OSBPL9: variants seen among roughly 807,000 people sequenced by gnomAD.
The protein encoded by OSBPL9 is oxysterol binding protein like 9.
In OSBPL9, 40 loss-of-function variants were observed where a neutral mutation model predicts 106.6. The ratio of observed to expected loss-of-function variants is 0.38; its 90% CI spans 0.29 to 0.49. The LOEUF is 0.49. Ranked by LOEUF, OSBPL9 falls within the 20% of genes least tolerant of loss-of-function variation. The pLI, the probability that OSBPL9 is intolerant of heterozygous loss-of-function variation, is 0.97. For synonymous variants in OSBPL9, 269 were observed against 295.4 expected (o/e 0.91, Z 0.92); for missense variants, 609 against 887.2 (o/e 0.69, Z 3.98).
intron 7 of OSBPL9, among the ~76,000 whole-genome samples, 194 bp downstream of exon 7, chr1:51,748,592 G>A (rs1571513904): frequency 3.3e-5 from 5 of 152,002 alleles, no homozygotes; most frequent in African/African-American, 7.2e-5. Flanking sequence ...CCCCTTAATC[G>A]AAATTGACTT....
the OSBPL9 span, among the ~76,000 whole-genome samples, chr1:51,533,633 A>C: frequency 1.3e-5 from 2 of 152,100 alleles, no homozygotes; most frequent in Non-Finnish European, 2.9e-5. Context: ...ATTTGAATCG[A>C]GCCTCAAAAT....
At chr1:51,576,128 C>T (rs1480321555), upstream of OSBPL9, among the ~76,000 whole-genome samples, 1 of 152,212 alleles carries the variant, frequency 6.6e-6, no homozygotes, top group Admixed American at 6.5e-5. Context: ...TCCTGTTAAT[C>T]TGTCTGATGT....
At chr1:51,777,042 A>G (rs1023354801) in intron 15 of OSBPL9, 124 bp downstream of exon 15, 19 of 781,246 alleles carry the variant, frequency 2.4e-5, no homozygotes, top group African/African-American at 3.5e-5. Context: ...ATTCTGTGGT[A>G]TTGAATAATG....
Position 51,666,636 on chromosome 1 carries a change from G to T in OSBPL9, c.163-2798G>T, listed in dbSNP as rs372026481. On this transcript the variant is annotated intron_variant, in intron 2 of 23. Transcript: ENST00000428468. Reference sequence around the variant, plus strand: ...TAAACCACAGTGACTAGTTAATGCTGCCAGCTATTGCACTGAACTCATTTT... The same window carrying T: ...TAAACCACAGTGACTAGTTAATGCTTCCAGCTATTGCACTGAACTCATTTT... Among the ~76,000 whole-genome samples, 18 of 152,266 alleles carry T rather than the reference G, an allele frequency of 1.2e-4. 1 individual carries two copies. In the East Asian group the frequency reaches 2.9e-3, roughly 24 times the overall value.
chr1:51,564,141 C>T, the OSBPL9 span, among the ~76,000 whole-genome samples: 1 of 151,056 alleles, frequency 6.6e-6, no homozygotes, highest in Admixed American at 6.6e-5. Context: ...TGCTGTCAGG[C>T]TGGACCTGGC....
chr1:51,624,974 TAGG>T (rs1183994001), intron 1 of OSBPL9, among the ~76,000 whole-genome samples: 2 of 152,214 alleles, frequency 1.3e-5, no homozygotes, highest in African/African-American at 4.8e-5. Context: ...ATTCGAATTA[TAGG>T]TGAGTGAGGC....
chr1:51,561,509 T>A, the OSBPL9 span: 1 of 152,132 alleles, frequency 6.6e-6, no homozygotes, highest in Non-Finnish European at 1.5e-5. Flanking sequence ...ACAAGCAACA[T>A]GAACAGAAAA....
upstream of OSBPL9, among the ~76,000 whole-genome samples, chr1:51,576,046 A>G (rs1645181944): frequency 6.6e-6 from 1 of 152,184 alleles, no homozygotes; most frequent in South Asian, 2.1e-4. Flanking sequence ...AACTGCTTCT[A>G]TAGGTCTTCA....
intron 1 of OSBPL9, among the ~76,000 whole-genome samples, chr1:51,579,354 A>C (rs1645206078): frequency 6.6e-6 from 1 of 152,224 alleles, no homozygotes; most frequent in Admixed American, 6.5e-5. Flanking sequence ...ACATAGGTAA[A>C]GAGATGTAAA....
the OSBPL9 span, among the ~76,000 whole-genome samples, chr1:51,554,989 C>T: frequency 6.6e-6 from 1 of 152,138 alleles, no homozygotes; most frequent in African/African-American, 2.4e-5. Flanking sequence ...ACAGAGGGTC[C>T]AAAATCCTGT....
the OSBPL9 span, among the ~76,000 whole-genome samples, chr1:51,526,504 A>G: frequency 2.0e-5 from 3 of 152,192 alleles, no homozygotes; most frequent in Admixed American, 2.0e-4. Flanking sequence ...GGAAAGTTAA[A>G]TGATGCAACT....
At chr1:51,528,256 CTTG>C in the OSBPL9 span, among the ~76,000 whole-genome samples, 207 of 152,226 alleles carry the variant, frequency 1.4e-3, no homozygotes, top group African/African-American at 4.8e-3. Flanking sequence ...ATGAGATGAT[CTTG>C]TATATATAGA....
At chr1:51,592,452 AC>A (rs1557578253) in intron 1 of OSBPL9, among the ~76,000 whole-genome samples, 1 of 152,160 alleles carries the variant, frequency 6.6e-6, no homozygotes, top group Non-Finnish European at 1.5e-5. Flanking sequence ...TCTTGTAATA[AC>A]AATTCTCTTC....
chr1:51,657,730 C>T (rs746215673), intron 2 of OSBPL9, among the ~76,000 whole-genome samples: 1 of 152,184 alleles, frequency 6.6e-6, no homozygotes, highest in Non-Finnish European at 1.5e-5. Context: ...GTCTGATCCT[C>T]TCCCATACTA....
At chr1:51,550,324 A>G in the OSBPL9 span, among the ~76,000 whole-genome samples, 1 of 152,234 alleles carries the variant, frequency 6.6e-6, no homozygotes, top group Non-Finnish European at 1.5e-5. Flanking sequence ...ACAAGTGACA[A>G]TTATTTAAAA....
At chr1:51,704,346 A>G (rs12076478) in intron 3 of OSBPL9, among the ~76,000 whole-genome samples, 168 of 152,240 alleles carry the variant, frequency 1.1e-3, no homozygotes, top group African/African-American at 3.6e-3. Flanking sequence ...CAGAGATTCA[A>G]CTTCTTCCTG....
chr1:51,751,557 T>C (rs1022541825), intron 8 of OSBPL9, among the ~76,000 whole-genome samples: 1 of 152,160 alleles, frequency 6.6e-6, no homozygotes, highest in African/African-American at 2.4e-5. Flanking sequence ...TAGTTTTTCT[T>C]GGCTCTGGAA....
chr1:51,704,314 G>A (rs1006420914), intron 3 of OSBPL9, among the ~76,000 whole-genome samples: 2 of 152,132 alleles, frequency 1.3e-5, no homozygotes, highest in African/African-American at 4.8e-5. Context: ...CAATTTCAGA[G>A]CCTGTTATTG....
intron 3 of OSBPL9, among the ~76,000 whole-genome samples, chr1:51,705,232 C>T (rs1019312274): frequency 2.0e-5 from 3 of 151,012 alleles, no homozygotes; most frequent in South Asian, 2.1e-4. Context: ...AGGTTGGTTT[C>T]GAACTCTTGG....
Sources: gnomAD v4.1 joint callset for allele counts (sites outside exome capture counted in the v4.1 genomes callset) on GRCh38, gnomAD v4.1.1 for gene constraint, MANE v1.5 for transcripts, NCBI Gene and HGNC (gene_info 2026-07-23, HGNC 2026-07-21) for gene names.